Variants in CPPED1 observed in about 807,000 individuals in gnomAD.
CPPED1 encodes calcineurin like phosphoesterase domain containing 1.
CPPED1 carries 28 observed loss-of-function variants against 28.0 expected under a neutral mutation model. The ratio of observed to expected loss-of-function variants is 1.00; its 90% CI spans 0.74 to 1.37. The LOEUF is 1.37. Ranked by LOEUF, CPPED1 falls within the 40% of genes most tolerant of loss-of-function variation. CPPED1 has a pLI of 0.00. For synonymous variants in CPPED1, 198 were observed against 180.2 expected, an observed-to-expected ratio of 1.10 and a Z score of -0.79; for missense variants, 504 against 416.5, an observed-to-expected ratio of 1.21 and a Z score of -1.83.
intron 1 of CPPED1, among the ~76,000 whole-genome samples, chr16:12,790,379 TG>T (rs1482283799): frequency 6.6e-6 from 1 of 152,222 alleles, no homozygotes; most frequent in African/African-American, 2.4e-5. Flanking sequence ...GAAATTTTAT[TG>T]ATTTTTTCAC....
intron 3 of CPPED1, among the ~76,000 whole-genome samples, chr16:12,695,871 A>G (rs1055944865): frequency 7.2e-5 from 11 of 152,190 alleles, no homozygotes; most frequent in Non-Finnish European, 1.5e-4. Flanking sequence ...TTCTTTGCTC[A>G]ACTAAACTGT....
intron 2 of CPPED1, among the ~76,000 whole-genome samples, chr16:12,775,703 G>C (rs1596480698): frequency 6.6e-6 from 1 of 152,164 alleles, no homozygotes. Flanking sequence ...ACCACCTTCT[G>C]TCTGACCAGC....
chr16:12,718,190 G>A (rs1284416798), intron 2 of CPPED1, among the ~76,000 whole-genome samples: 2 of 152,216 alleles, frequency 1.3e-5, no homozygotes, highest in African/African-American at 2.4e-5. Flanking sequence ...TAAGCAGTGA[G>A]TCAGCTTGGC....
In CPPED1 at chr16:12,795,507, T is replaced by C. The variant is rs530197011; in HGVS notation, c.70+8200A>G. 5.8e-4 allele frequency among the ~76,000 whole-genome samples: 89 copies of C among 152,290 alleles called. 1 individual carries two copies. The highest frequency in any genetic ancestry group is 7.8e-4 in the Admixed American group (12 of 15,302). On this transcript the variant is annotated intron_variant, in intron 1 of 3. Coordinates refer to ENST00000381774, the MANE Select transcript of CPPED1 (RefSeq NM_018340.3). Reference sequence around the variant, plus strand: ...GGTGCCAGCCACCATGCTCAGCTAATCATTGTATTTTTAGTACAGATGGGG... The same window carrying C: ...GGTGCCAGCCACCATGCTCAGCTAACCATTGTATTTTTAGTACAGATGGGG...
chr16:12,705,714 C>T (rs1241056197), intron 2 of CPPED1, among the ~76,000 whole-genome samples: 9 of 152,194 alleles, frequency 5.9e-5, no homozygotes, highest in Admixed American at 4.6e-4. Flanking sequence ...GCCAAGATCA[C>T]GCCATTGCAC....
chr16:12,762,645 C>T (rs1207342491), intron 2 of CPPED1, among the ~76,000 whole-genome samples: 3 of 152,132 alleles, frequency 2.0e-5, no homozygotes, highest in Admixed American at 6.5e-5. Context: ...AATCTACACA[C>T]GGACAGTGGA....
intron 2 of CPPED1, among the ~76,000 whole-genome samples, chr16:12,746,373 C>CAAA (rs71142518): frequency 0.01 from 1,091 of 105,084 alleles, 26 homozygotes; most frequent in South Asian, 0.055. Flanking sequence ...GACTCTGACT[C>CAAA]AAAAAAAAAA....
rs1205264986 is a variant in CPPED1 at position 12,664,804 on chromosome 16, G to C, written c.*82C>G. ...CTGCCTGGGCTATTTTTATATTTCA[G>C]CAAGAGGTTGTGTGCAGCTGCTGTT... On this transcript the variant is annotated 3_prime_UTR_variant, in exon 4 of 4. Transcript: ENST00000381774. The surrounding 1 kb of genome is among the most constrained non-coding windows in gnomAD (Gnocchi z 4.2). The C allele has an allele frequency of 6.4e-7, 1 of 1,573,712 alleles. No individual in the cohort carries two copies. The highest frequency in any genetic ancestry group is 8.6e-7 in the Non-Finnish European group (1 of 1,166,430).
intron 2 of CPPED1, among the ~76,000 whole-genome samples, chr16:12,736,978 T>C (rs2080229928): frequency 6.6e-6 from 1 of 151,960 alleles, no homozygotes; most frequent in African/African-American, 2.4e-5. Context: ...TCACTTGAGG[T>C]CAGGAGTTTC....
chr16:12,692,300 T>G (rs990637137), intron 3 of CPPED1, among the ~76,000 whole-genome samples: 3 of 152,192 alleles, frequency 2.0e-5, no homozygotes, highest in African/African-American at 7.2e-5. Flanking sequence ...GAACAAACAC[T>G]GCCAGGAAGA....
At chr16:12,794,441 T>C (rs2080614877) in intron 1 of CPPED1, among the ~76,000 whole-genome samples, 1 of 149,100 alleles carries the variant, frequency 6.7e-6, no homozygotes, top group African/African-American at 2.5e-5. Context: ...ATAGTGTCCT[T>C]CAGGACCCTG....
intron 2 of CPPED1, among the ~76,000 whole-genome samples, chr16:12,719,899 G>A (rs942143973): frequency 1.3e-5 from 2 of 151,616 alleles, no homozygotes; most frequent in Admixed American, 1.3e-4. Context: ...TCATGCCACT[G>A]TACTCCAGCC....
chr16:12,696,919 A>AC, intron 3 of CPPED1, among the ~76,000 whole-genome samples: 1 of 151,866 alleles, frequency 6.6e-6, no homozygotes, highest in Admixed American at 6.6e-5. Context: ...ATGTTATAGG[A>AC]CCCCCTGCCC....
At chr16:12,775,216 C>T (rs928329438) in intron 2 of CPPED1, among the ~76,000 whole-genome samples, 3 of 152,080 alleles carry the variant, frequency 2.0e-5, no homozygotes, top group African/African-American at 7.2e-5. Flanking sequence ...AGAGAGAGTC[C>T]CCACCAGCAA....
chr16:12,723,637 C>G (rs1056650274), intron 2 of CPPED1, among the ~76,000 whole-genome samples: 1 of 152,190 alleles, frequency 6.6e-6, no homozygotes, highest in Non-Finnish European at 1.5e-5. Context: ...CAAATTTCTG[C>G]TGTGTATACC....
At chr16:12,672,006 C>T (rs1341871202) in intron 3 of CPPED1, among the ~76,000 whole-genome samples, 1 of 152,196 alleles carries the variant, frequency 6.6e-6, no homozygotes, top group Non-Finnish European at 1.5e-5. Flanking sequence ...GTTATGGTTG[C>T]CTGCAGTATC....
intron 3 of CPPED1, among the ~76,000 whole-genome samples, chr16:12,675,116 C>G (rs1475143023): frequency 1.3e-5 from 2 of 152,284 alleles, no homozygotes; most frequent in Admixed American, 1.3e-4. Flanking sequence ...GATAGGGAAG[C>G]ACTGATTCAC....
intron 3 of CPPED1, among the ~76,000 whole-genome samples, chr16:12,666,624 G>A (rs2079827261): frequency 6.6e-6 from 1 of 152,086 alleles, no homozygotes; most frequent in Non-Finnish European, 1.5e-5. Context: ...TGATGTCACT[G>A]AACCAGATGT....
chr16:12,676,630 C>T (rs898228888), intron 3 of CPPED1, among the ~76,000 whole-genome samples: 1 of 152,122 alleles, frequency 6.6e-6, no homozygotes, highest in African/African-American at 2.4e-5. Flanking sequence ...CAAAGATCAC[C>T]GTGCCATAGG....
Sources: gnomAD v4.1 joint callset for allele counts (sites outside exome capture counted in the v4.1 genomes callset) on GRCh38, gnomAD v4.1.1 for gene constraint, Gnocchi (gnomAD v3.1) non-coding constraint, MANE v1.5 for transcripts, NCBI Gene and HGNC (gene_info 2026-07-23, HGNC 2026-07-21) for gene names.